KCNMB2: variants seen among roughly 807,000 people sequenced by gnomAD.
The protein encoded by KCNMB2 is potassium calcium-activated channel subfamily M regulatory beta subunit 2, also known as calcium-activated potassium channel subunit beta-2.
In KCNMB2, 9 loss-of-function variants were observed where a neutral mutation model predicts 24.5. That is an observed-to-expected ratio of 0.37 (90% confidence interval 0.22 to 0.64). KCNMB2 has a LOEUF of 0.64. Among genes scored for constraint, KCNMB2 ranks in the 30% least tolerant of loss-of-function variants. The pLI, the probability that KCNMB2 is intolerant of heterozygous loss-of-function variation, is 0.63. For synonymous variants in KCNMB2, 109 were observed against 104.4 expected, an observed-to-expected ratio of 1.04 and a Z score of -0.27; for missense variants, 226 against 284.3, an observed-to-expected ratio of 0.79 and a Z score of 1.47.
chr3:178,688,805 C>T (rs1357511763), intron 1 of KCNMB2, among the ~76,000 whole-genome samples: 3 of 151,984 alleles, frequency 2.0e-5, no homozygotes, highest in Non-Finnish European at 4.4e-5. Flanking sequence ...AGTTATTGAA[C>T]ATGAGGCAAA....
intron 1 of KCNMB2, among the ~76,000 whole-genome samples, chr3:178,798,522 C>T (rs1391170763): frequency 5.9e-5 from 9 of 152,110 alleles, no homozygotes; most frequent in Admixed American, 4.6e-4. Flanking sequence ...GGTACATATA[C>T]ACCATGGAAT....
chr3:178,664,455 T>G (rs1720646232), intron 1 of KCNMB2, among the ~76,000 whole-genome samples: 1 of 152,096 alleles, frequency 6.6e-6, no homozygotes. Context: ...CATGCACTCC[T>G]CTTTGCTACA....
intron 1 of KCNMB2, among the ~76,000 whole-genome samples, chr3:178,696,231 T>G (rs1721869960): frequency 6.6e-6 from 1 of 152,202 alleles, no homozygotes; most frequent in South Asian, 2.1e-4. Flanking sequence ...TCCTTATGAT[T>G]TAATTATCTC....
At chr3:178,639,703 C>T (rs1318261815) in intron 1 of KCNMB2, among the ~76,000 whole-genome samples, 1 of 152,210 alleles carries the variant, frequency 6.6e-6, no homozygotes, top group Non-Finnish European at 1.5e-5. Context: ...TATTCTTCCA[C>T]TCTCTGTGAG....
At chr3:178,797,721 T>C (rs1187034607) in intron 1 of KCNMB2, among the ~76,000 whole-genome samples, 4 of 152,240 alleles carry the variant, frequency 2.6e-5, no homozygotes, top group Non-Finnish European at 5.9e-5. Flanking sequence ...ATAAATTACT[T>C]TGGGCAGTAT....
chr3:178,797,588 T>A (rs1236131719), intron 1 of KCNMB2, among the ~76,000 whole-genome samples: 1 of 152,164 alleles, frequency 6.6e-6, no homozygotes, highest in East Asian at 1.9e-4. Context: ...AATCAATCAA[T>A]GTGATACATC....
intron 1 of KCNMB2, among the ~76,000 whole-genome samples, chr3:178,656,105 C>G (rs1317584794): frequency 6.6e-6 from 1 of 152,158 alleles, no homozygotes. Flanking sequence ...TGATAGAAAA[C>G]AGGCTTACCT....
intron 1 of KCNMB2, among the ~76,000 whole-genome samples, chr3:178,614,359 G>T (rs1158867807): frequency 7.9e-6 from 1 of 126,326 alleles, no homozygotes. Flanking sequence ...ATATATATAT[G>T]AGATTTAATG....
At chr3:178,672,853 C>T (rs1720950240) in intron 1 of KCNMB2, among the ~76,000 whole-genome samples, 1 of 152,138 alleles carries the variant, frequency 6.6e-6, no homozygotes, top group Admixed American at 6.5e-5. Context: ...CCTATCTCAG[C>T]CACTCACTTC....
At chr3:178,668,948 A>G (rs7647786) in intron 1 of KCNMB2, among the ~76,000 whole-genome samples, 112,717 of 152,088 alleles carry the variant, frequency 0.74, 42,871 homozygotes, top group African/African-American at 0.94. Flanking sequence ...TGAAGCTCTC[A>G]TCTCTAGAGG....
chr3:178,722,072 T>G (rs759890421), intron 1 of KCNMB2, among the ~76,000 whole-genome samples: 15 of 152,190 alleles, frequency 9.9e-5, no homozygotes, highest in Non-Finnish European at 1.6e-4. Context: ...TAAAGTACAA[T>G]TTACCCTTTT....
At chr3:178,681,986 A>C (rs971366999) in intron 1 of KCNMB2, among the ~76,000 whole-genome samples, 1 of 152,106 alleles carries the variant, frequency 6.6e-6, no homozygotes, top group Non-Finnish European at 1.5e-5. Flanking sequence ...GGTTTGTTTA[A>C]ATATCTTCTT....
At chr3:178,594,041 T>G (rs945145150) in intron 1 of KCNMB2, among the ~76,000 whole-genome samples, 15 of 151,736 alleles carry the variant, frequency 9.9e-5, no homozygotes, top group African/African-American at 3.6e-4. Flanking sequence ...CCCTCTTCCC[T>G]CCCTCCCTCC....
intron 1 of KCNMB2, among the ~76,000 whole-genome samples, chr3:178,725,769 T>G (rs1053772911): frequency 1.1e-4 from 16 of 152,136 alleles, no homozygotes; most frequent in South Asian, 8.3e-4. Flanking sequence ...CATTTACTTT[T>G]GATTAGTGTT....
intron 1 of KCNMB2, among the ~76,000 whole-genome samples, chr3:178,719,091 T>A (rs1408812390): frequency 6.6e-6 from 1 of 152,252 alleles, no homozygotes; most frequent in Non-Finnish European, 1.5e-5. Flanking sequence ...TATTATCTCT[T>A]GATTAAGGCT....
chr3:178,830,858 C>T (rs930389263), intron 4 of KCNMB2, among the ~76,000 whole-genome samples: 16 of 152,080 alleles, frequency 1.1e-4, no homozygotes, highest in Admixed American at 2.0e-4. Flanking sequence ...AATATCTTCT[C>T]GCATTATGTG....
intron 2 of KCNMB2, among the ~76,000 whole-genome samples, chr3:178,820,060 T>C (rs1714565707): frequency 2.0e-5 from 3 of 152,222 alleles, no homozygotes; most frequent in African/African-American, 7.2e-5. Context: ...AACAGATTTT[T>C]AAAATATAGT....
At position 178,624,692 on chromosome 3, in the gene KCNMB2, C is replaced by T. The variant is rs777548913; in HGVS notation, c.-68+87981C>T. ...TCACACTTGCCAACGCCGCTCTTCTCATTACAGTAGTTAAATGTGCAAACT... is the reference window on the plus strand; with the variant it reads ...TCACACTTGCCAACGCCGCTCTTCTTATTACAGTAGTTAAATGTGCAAACT... On this transcript the variant is annotated intron_variant, in intron 1 of 4. Coordinates refer to ENST00000452583, the MANE Select transcript of KCNMB2 (RefSeq NM_181361.3). Among the ~76,000 whole-genome samples, 122 of 147,462 alleles carry T rather than the reference C, an allele frequency of 8.3e-4. 1 individual carries two copies. Among genetic ancestry groups the T allele is most frequent in the Non-Finnish European group, 1.6e-3 (107 of 67,148 alleles).
intron 1 of KCNMB2, among the ~76,000 whole-genome samples, chr3:178,568,348 G>A (rs2108472572): frequency 6.6e-6 from 1 of 152,280 alleles, no homozygotes; most frequent in East Asian, 1.9e-4. Context: ...ACCACTGTGA[G>A]TGTAACTACA....
Sources: gnomAD v4.1 joint callset for allele counts (sites outside exome capture counted in the v4.1 genomes callset) on GRCh38, gnomAD v4.1.1 for gene constraint, MANE v1.5 for transcripts, NCBI Gene and HGNC (gene_info 2026-07-23, HGNC 2026-07-21) for gene names.